Variants in PCDH15 observed in about 807,000 individuals in gnomAD.
PCDH15 encodes the protein protocadherin-15.
PCDH15 carries 129 observed loss-of-function variants against 178.5 expected under a neutral mutation model. That is an observed-to-expected ratio of 0.72 (90% confidence interval 0.63 to 0.84). The LOEUF is 0.84. Ranked by LOEUF, PCDH15 falls within the 40% of genes least tolerant of loss-of-function variation. PCDH15 has a pLI of 0.00. For missense variants in PCDH15, 2,230 were observed against 2,099.9 expected, an observed-to-expected ratio of 1.06 and a Z score of -1.21; for synonymous variants, 800 against 732.0, an observed-to-expected ratio of 1.09 and a Z score of -1.50.
chr10:54,257,458 A>AGTG (rs778782247), intron 8 of PCDH15, among the ~76,000 whole-genome samples: 1 of 145,624 alleles, frequency 6.9e-6, no homozygotes, highest in Non-Finnish European at 1.5e-5. Flanking sequence ...CCACAAATCC[A>AGTG]GTGGTAAGGC....
At chr10:54,579,759 A>C (rs982838483) in intron 2 of PCDH15, among the ~76,000 whole-genome samples, 2 of 151,990 alleles carry the variant, frequency 1.3e-5, no homozygotes, top group Non-Finnish European at 2.9e-5. Flanking sequence ...AAACACAAAA[A>C]ATTAAAATCA....
chr10:55,012,989 A>C (rs1170435448), intron 2 of PCDH15, among the ~76,000 whole-genome samples: 3 of 152,166 alleles, frequency 2.0e-5, no homozygotes, highest in African/African-American at 7.2e-5. Context: ...TTAAAGACAT[A>C]ATTTATCTCC....
chr10:55,450,819 C>T (rs1452642146), intron 2 of PCDH15, among the ~76,000 whole-genome samples: 1 of 151,878 alleles, frequency 6.6e-6, no homozygotes, highest in East Asian at 1.9e-4. Flanking sequence ...TCCGATTATC[C>T]AGCTAAGCAA....
intron 26 of PCDH15, among the ~76,000 whole-genome samples, chr10:53,867,483 T>C (rs1458280365): frequency 6.6e-6 from 1 of 152,172 alleles, no homozygotes; most frequent in Non-Finnish European, 1.5e-5. Flanking sequence ...GAAACATCTA[T>C]GTACCCAATA....
intron 2 of PCDH15, among the ~76,000 whole-genome samples, chr10:55,424,158 C>T (rs1246116965): frequency 6.6e-6 from 1 of 152,096 alleles, no homozygotes; most frequent in Non-Finnish European, 1.5e-5. Context: ...CAAAAAGGAA[C>T]TCTAAAAGTG....
rs2134056674 is a variant in PCDH15, at chr10:53,939,150, G to A, written c.3233-195C>T. Among the ~76,000 whole-genome samples the A allele has an allele frequency of 1.3e-5, 2 of 152,218 alleles. 1 individual carries two copies. Among genetic ancestry groups the A allele is most frequent in the South Asian group, 4.1e-4 (2 of 4,828 alleles). On this transcript the variant is annotated intron_variant, in intron 24 of 37. Transcript: ENST00000644397. ...TGATCAACATCAATACTTCGCTAAAGTCTGCCTTGAAATTGTAGGGTTTTT... is the reference window on the plus strand; with the variant it reads ...TGATCAACATCAATACTTCGCTAAAATCTGCCTTGAAATTGTAGGGTTTTT...
intron 2 of PCDH15, among the ~76,000 whole-genome samples, chr10:55,085,902 T>C (rs1167783924): frequency 1.3e-5 from 2 of 151,714 alleles, no homozygotes; most frequent in African/African-American, 4.8e-5. Context: ...GACACAATAA[T>C]ATATGTTGAT....
At chr10:53,834,862 G>A (rs1168181985) in intron 29 of PCDH15, among the ~76,000 whole-genome samples, 6 of 152,130 alleles carry the variant, frequency 3.9e-5, no homozygotes, top group African/African-American at 1.4e-4. Context: ...ATACTGCAAT[G>A]TACATATGAA....
chr10:54,586,768 A>C (rs1214942289), intron 2 of PCDH15, among the ~76,000 whole-genome samples: 1 of 152,178 alleles, frequency 6.6e-6, no homozygotes, highest in East Asian at 1.9e-4. Context: ...TGCTGGGATT[A>C]CAGGCATGAG....
chr10:54,759,460 C>A (rs187032451), intron 1 of PCDH15, among the ~76,000 whole-genome samples: 3 of 152,108 alleles, frequency 2.0e-5, no homozygotes, highest in African/African-American at 7.2e-5. Flanking sequence ...AATAAATTTC[C>A]ATTTCAATAC....
At chr10:55,437,836 T>C (rs1027449469) in intron 2 of PCDH15, among the ~76,000 whole-genome samples, 9 of 144,190 alleles carry the variant, frequency 6.2e-5, no homozygotes, top group Admixed American at 1.4e-4. Flanking sequence ...GCTTTTCTTT[T>C]TTTTTTTTTT....
At chr10:55,158,093 TATATAC>T (rs1427076683) in intron 2 of PCDH15, among the ~76,000 whole-genome samples, 128 of 114,962 alleles carry the variant, frequency 1.1e-3, no homozygotes, top group African/African-American at 4.0e-3. Context: ...TATATATATA[TATATAC>T]ACATATCTTT....
chr10:54,206,265 A>T (rs555854584), intron 10 of PCDH15, among the ~76,000 whole-genome samples: 6 of 152,228 alleles, frequency 3.9e-5, no homozygotes, highest in Admixed American at 3.9e-4. Flanking sequence ...TGATTTAAAG[A>T]AAAAATAACC....
At chr10:54,274,615 ATTGTGT>A (rs2132571322) in intron 8 of PCDH15, among the ~76,000 whole-genome samples, 2 of 81,152 alleles carry the variant, frequency 2.5e-5, no homozygotes, top group African/African-American at 1.2e-4. Context: ...ACTCAGTTTA[ATTGTGT>A]GTGTGTGTGT....
intron 4 of PCDH15, among the ~76,000 whole-genome samples, chr10:54,369,759 A>C (rs937958021): frequency 6.6e-6 from 1 of 152,024 alleles, no homozygotes; most frequent in Non-Finnish European, 1.5e-5. Context: ...AAAGCCAGCC[A>C]ACTAAACTTA....
chr10:54,246,908 A>C (rs2055995568), intron 8 of PCDH15, among the ~76,000 whole-genome samples: 1 of 151,930 alleles, frequency 6.6e-6, no homozygotes, highest in Non-Finnish European at 1.5e-5. Context: ...ATGATGATTA[A>C]TGGGGTTGAA....
intron 18 of PCDH15, among the ~76,000 whole-genome samples, chr10:54,030,339 C>G (rs1319639022): frequency 6.8e-6 from 1 of 147,348 alleles, no homozygotes; most frequent in Non-Finnish European, 1.5e-5. Context: ...AAATTATTAT[C>G]TATTAACTTC....
chr10:55,241,425 G>A (rs1841538935), intron 1 of PCDH15, among the ~76,000 whole-genome samples: 2 of 151,882 alleles, frequency 1.3e-5, no homozygotes, highest in Admixed American at 6.6e-5. Context: ...TTTATTCTTT[G>A]TTAAATGCCC....
intron 7 of PCDH15, among the ~76,000 whole-genome samples, chr10:54,320,117 T>A (rs2061507525): frequency 6.6e-6 from 1 of 152,100 alleles, no homozygotes. Flanking sequence ...CTAAAGACAT[T>A]TGAGATTCAA....
Sources: allele counts gnomAD v4.1 joint callset (sites outside exome capture counted in the v4.1 genomes callset), GRCh38; gene constraint gnomAD v4.1.1; transcripts MANE v1.5; gene names NCBI Gene and HGNC (gene_info 2026-07-23, HGNC 2026-07-21).